NUMA1: variants seen among roughly 807,000 people sequenced by gnomAD.
NUMA1 encodes nuclear mitotic apparatus protein 1.
Under a neutral mutation model 237.1 loss-of-function variants are expected in NUMA1, and 62 were observed. The ratio of observed to expected loss-of-function variants is 0.26; its 90% confidence interval spans 0.21 to 0.32. NUMA1 has a LOEUF of 0.32. Among genes scored for constraint, NUMA1 ranks in the 10% least tolerant of loss-of-function variants. NUMA1 has a pLI of 1.00. For synonymous variants in NUMA1, 1,028 were observed against 1,066.1 expected, an observed-to-expected ratio of 0.96 and a Z score of 0.70; for missense variants, 2,533 against 2,666.5, an observed-to-expected ratio of 0.95 and a Z score of 1.10.
At position 72,018,820 on chromosome 11, in the gene NUMA1, T is replaced by A. The variant is rs1210920703; in HGVS notation, c.742+3A>T. The A allele has an allele frequency of 6.2e-7, 1 of 1,607,908 alleles. No homozygotes were observed. Among genetic ancestry groups the A allele is most frequent in the Non-Finnish European group, 8.5e-7 (1 of 1,179,332 alleles). ...CACATCTGCCAGTGTGCCAGCCACC[T>A]ACCCTTCTCGGTGAGGAGCTTGCGG... On this transcript the variant is annotated splice_donor_region_variant and intron_variant, in intron 10 of 26. Coordinates refer to ENST00000393695, the MANE Select transcript of NUMA1 (RefSeq NM_006185.4).
At chr11:72,005,993 A>G in intron 22 of NUMA1, 42 bp downstream of exon 22, 1 of 1,458,380 alleles carries the variant, frequency 6.9e-7, no homozygotes, top group Non-Finnish European at 9.4e-7. Context: ...TCCACCTTCC[A>G]GTCTAATTTT....
At position 72,009,316 on chromosome 11, in the gene NUMA1, T is replaced by C. The variant is rs1408144681; in HGVS notation, c.4791A>G (p.Gln1597=). 1 of 1,613,592 alleles carries C rather than the reference T, an allele frequency of 6.2e-7. No individual in the cohort carries two copies. Among genetic ancestry groups the C allele is most frequent in the East Asian group, 2.2e-5 (1 of 44,876 alleles). ...CCTGCTCCTTCTGGCTCAACTGGGC[T>C]TGCAGTTCATTCAGCTGGGCCTGGA... is the stretch of plus-strand genomic sequence containing the variant. ...QRLQAQLNEL[Q]AQLSQKEQAA... is the part of the protein sequence containing the mutation. Residue 1597 remains glutamine, a synonymous_variant, in exon 18 of 27, where the codon CAA becomes CAG. Coordinates refer to ENST00000393695, the MANE Select transcript of NUMA1 (RefSeq NM_006185.4).
chr11:72,043,243 T>C (rs1443354385), intron 2 of NUMA1, among the ~76,000 whole-genome samples: 1 of 151,880 alleles, frequency 6.6e-6, no homozygotes, highest in Non-Finnish European at 1.5e-5. Context: ...CTCACGCCTG[T>C]AATCCCAGCA....
chr11:72,025,345 G>A (rs1018619219), intron 4 of NUMA1, among the ~76,000 whole-genome samples: 1 of 151,964 alleles, frequency 6.6e-6, no homozygotes, highest in East Asian at 1.9e-4. Flanking sequence ...CCAAGCGACA[G>A]AGATTACAGT....
Position 72,020,378 on chromosome 11 carries a change from G to A in NUMA1, c.461-761C>T, listed in dbSNP as rs542698780. ...ACATCAAACTCAACGGCTAGAACTC[G>A]CCTAGACCTCCTTCTTACATTCCTA... is the stretch of plus-strand genomic sequence containing the variant. On this transcript the variant is annotated intron_variant, in intron 8 of 26. Coordinates refer to ENST00000393695, the MANE Select transcript of NUMA1 (RefSeq NM_006185.4). 9 of 152,280 alleles carry A rather than the reference G, an allele frequency of 5.9e-5. No individual in the cohort carries two copies. The South Asian group carries it at 1.4e-3, about 25-fold the overall frequency. The allele number at this position is 152,280 out of a possible 1,614,324, so 9.4% of individuals were successfully genotyped here. A position where few individuals can be genotyped will look rare whatever the true frequency, so the allele number is the denominator to read the frequency against.
rs1445568254 is a variant in NUMA1 at position 72,015,974 on chromosome 11, A to C, written c.1529T>G (p.Leu510Arg). The change falls in exon 15 of 27, where the codon CTC becomes CGC. Residue 510 changes from leucine to arginine, a missense_variant. This residue lies in a region of NUMA1 where 1,414 missense variants were observed against 1,508.1 expected (regional missense o/e 0.94). Transcript: ENST00000393695. The surrounding 1 kb of genome is among the most constrained non-coding windows in gnomAD (Gnocchi z 4.0). ...VASLTSELTTLNATIQQQDQE... is the reference protein window; with the variant it reads ...VASLTSELTTRNATIQQQDQE... ...ATCCTGTTGCTGGATGGTGGCATTG[A>C]GTGTGGTGAGCTCAGAGGTCAGAGA... 6.2e-7 allele frequency: 1 copy of C among 1,613,978 alleles called. No individual in the cohort carries two copies. The highest frequency in any genetic ancestry group is 1.1e-5 in the South Asian group (1 of 91,080).
intron 23 of NUMA1, 130 bp downstream of exon 23, chr11:72,005,103 A>G: frequency 1.8e-6 from 2 of 1,099,404 alleles, no homozygotes; most frequent in Non-Finnish European, 2.5e-6. Context: ...ACCTGGAAAC[A>G]TGAGAAGGTC....
At position 72,024,291 on chromosome 11, in the gene NUMA1, A is replaced by T. The variant is rs758844278; in HGVS notation, c.191T>A (p.Val64Glu). ...GTGCTTACTCTGCAGAAAACTGCAC[A>T]CAAAGTCCAGTCTCTCTGACACCGG... ...KQPVSERLDF[V>E]CSFLQKNRKH... The change falls in exon 5 of 27, where the codon GTG becomes GAG. Residue 64 changes from valine (V) to glutamate (E), a missense_variant. This residue lies in a region of NUMA1 where 1,414 missense variants were observed against 1,508.1 expected (regional missense o/e 0.94). Coordinates refer to ENST00000393695, the MANE Select transcript of NUMA1 (RefSeq NM_006185.4). 1 of 1,614,220 alleles carries T rather than the reference A, an allele frequency of 6.2e-7. No individual in the cohort carries two copies. Among genetic ancestry groups the T allele is most frequent in the Non-Finnish European group, 8.5e-7 (1 of 1,180,016 alleles).
intron 4 of NUMA1, among the ~76,000 whole-genome samples, chr11:72,025,855 T>C (rs560994904): frequency 4.1e-4 from 62 of 152,326 alleles, no homozygotes; most frequent in South Asian, 3.3e-3. Context: ...CTTGAGGAGA[T>C]GCTAATCTCT....
chr11:72,061,405 T>C (rs1379800867), intron 2 of NUMA1, among the ~76,000 whole-genome samples: 1 of 151,554 alleles, frequency 6.6e-6, no homozygotes, highest in African/African-American at 2.4e-5. Flanking sequence ...TCAAATGAAG[T>C]CAAAAGACTT....
intron 26 of NUMA1, 91 bp from the exon 27 acceptor site, chr11:72,003,629 CCT>C (rs1277031609): frequency 9.8e-6 from 15 of 1,527,744 alleles, no homozygotes; most frequent in Middle Eastern, 3.4e-4. Context: ...CTCCCACGCC[CCT>C]GTCTGGATCC....
rs1416094548 is a variant in NUMA1 at position 72,016,080 on chromosome 11, T to C, written c.1423A>G (p.Ile475Val). 1.9e-6 allele frequency: 3 copies of C among 1,614,114 alleles called. No individual in the cohort carries two copies. The highest frequency in any genetic ancestry group is 2.5e-6 in the Non-Finnish European group (3 of 1,180,002). The change falls in exon 15 of 27, where the codon ATC becomes GTC. Residue 475 changes from isoleucine to valine, a missense_variant. Ile to Val is a conservative substitution (Grantham distance 29). Transcript: ENST00000393695. ...SSLITDLQSSISNLSQAKEEL... is the reference protein window; with the variant it reads ...SSLITDLQSSVSNLSQAKEEL... ...TCCTTGGCCTGGCTGAGGTTGGAGA[T>C]GGAGCTCTGCAGGTCAGTGATCAGG...
Position 72,004,894 on chromosome 11 carries a change from T to G in NUMA1, c.5830-78A>C, listed in dbSNP as rs1489460863. 2.9e-6 allele frequency: 4 copies of G among 1,366,748 alleles called. No individual in the cohort carries two copies. The South Asian group carries it at 4.3e-5, about 15-fold the overall frequency. 84.7% of individuals were successfully genotyped at this position (1,366,748 alleles called of 1,614,324 possible). A position where few individuals can be genotyped will look rare whatever the true frequency, so the allele number is the denominator to read the frequency against. ...AGGACCTGGGGCTGTCCCAGAACTC[T>G]ACACTCGCCCGACACTTATGGTCGG... On this transcript the variant is annotated intron_variant, in intron 23 of 26. Coordinates refer to ENST00000393695, the MANE Select transcript of NUMA1 (RefSeq NM_006185.4).
rs1429783380 is a variant in NUMA1 at position 72,014,219 on chromosome 11, G to A, written c.3284C>T (p.Ala1095Val). The A allele has an allele frequency of 6.2e-7, 1 of 1,613,888 alleles. No individual in the cohort carries two copies. The highest frequency in any genetic ancestry group is 8.5e-7 in the Non-Finnish European group (1 of 1,180,042). Residue 1095 changes from alanine to valine, a missense_variant, in exon 15 of 27, where the codon GCT becomes GTT. Physicochemically the swap from Ala to Val is moderately conservative, Grantham distance 64. This residue lies in a region of NUMA1 where 1,414 missense variants were observed against 1,508.1 expected (regional missense o/e 0.94). Transcript: ENST00000393695. The surrounding 1 kb of genome is among the most constrained non-coding windows in gnomAD (Gnocchi z 4.6). The part of the protein sequence containing the change: ...QTVKQLKEQL[A>V]KKEKEHASGS... The stretch of plus-strand genomic sequence containing the variant: ...AGATGCGTGCTCCTTTTCTTTCTTA[G>A]CCAGCTGTTCCTTCAGTTGCTTCAC...
intron 2 of NUMA1, among the ~76,000 whole-genome samples, chr11:72,038,790 C>G (rs1166498055): frequency 6.6e-6 from 1 of 152,030 alleles, no homozygotes; most frequent in Non-Finnish European, 1.5e-5. Context: ...CCCCGTCCCC[C>G]CCACAACCCT....
rs1322902539 is a variant in NUMA1 at position 72,008,670 on chromosome 11, G to C, written c.5216+18C>G. On this transcript the variant is annotated intron_variant, in intron 20 of 26. Coordinates refer to ENST00000393695, the MANE Select transcript of NUMA1 (RefSeq NM_006185.4). ...GGCACTCCATAAACAGACATAGGGA[G>C]GAAGGCTGCCTCCTGACCTGGTGAT... is the stretch of plus-strand genomic sequence containing the variant. 6.2e-7 allele frequency: 1 copy of C among 1,613,878 alleles called. No individual in the cohort carries two copies. The highest frequency in any genetic ancestry group is 1.1e-5 in the South Asian group (1 of 91,084).
chr11:72,051,108 C>T (rs1357666901), intron 2 of NUMA1, among the ~76,000 whole-genome samples: 2 of 152,010 alleles, frequency 1.3e-5, no homozygotes, highest in Non-Finnish European at 2.9e-5. Context: ...AGGCTGGTCT[C>T]AAACACCTGG....
intron 3 of NUMA1, among the ~76,000 whole-genome samples, chr11:72,029,615 G>C (rs768347271): frequency 2.0e-5 from 3 of 152,234 alleles, no homozygotes; most frequent in Admixed American, 2.0e-4. Context: ...AGAGGAACTT[G>C]ACAGCAGGGA....
chr11:72,029,548 A>C (rs1940021701), intron 3 of NUMA1, among the ~76,000 whole-genome samples: 1 of 152,254 alleles, frequency 6.6e-6, no homozygotes, highest in Admixed American at 6.5e-5. Context: ...ATGTTCCAGC[A>C]CTGGGAGTAT....
Sources: gnomAD v4.1 joint callset for allele counts (sites outside exome capture counted in the v4.1 genomes callset) on GRCh38, gnomAD v4.1.1 for gene constraint, gnomAD v4.1.1 regional missense constraint, Gnocchi (gnomAD v3.1) non-coding constraint, MANE v1.5 for transcripts, NCBI Gene and HGNC (gene_info 2026-07-23, HGNC 2026-07-21) for gene names.